The following PARD3B variants were observed in gnomAD, a reference collection of about 807,000 sequenced individuals.
PARD3B encodes par-3 family cell polarity regulator beta.
In PARD3B, 103 loss-of-function variants were observed where a neutral mutation model predicts 130.2. That is an observed-to-expected ratio of 0.79 (90% CI 0.67 to 0.93). PARD3B has a LOEUF of 0.93. PARD3B is among the 40% of genes least tolerant of loss of function. PARD3B has a pLI of 0.00. For synonymous variants in PARD3B, 583 were observed against 553.2 expected (o/e 1.05, Z -0.76); for missense variants, 1,609 against 1,499.2 (o/e 1.07, Z -1.21).
At chr2:204,745,087 G>C (rs970111377) in intron 2 of PARD3B, among the ~76,000 whole-genome samples, 9 of 152,176 alleles carry the variant, frequency 5.9e-5, no homozygotes, top group Non-Finnish European at 1.2e-4. Flanking sequence ...TAAAGTTGAG[G>C]TCTCAATGTT....
At chr2:205,023,538 C>A (rs1208814861) in intron 3 of PARD3B, among the ~76,000 whole-genome samples, 1 of 120,284 alleles carries the variant, frequency 8.3e-6, no homozygotes, top group African/African-American at 3.2e-5. Context: ...TACCCCCCCA[C>A]CCCCCGCCAA....
In PARD3B at chr2:204,595,219, G is replaced by A. The variant is rs112395690; in HGVS notation, c.120+49100G>A. Among the ~76,000 whole-genome samples the A allele has an allele frequency of 9.0e-3, 1,373 of 152,316 alleles. 19 individuals are homozygous for A. The highest frequency in any genetic ancestry group is 0.032 in the African/African-American group (1,331 of 41,560). Reference sequence around the variant, plus strand: ...CTTCTTCTATGGTCTCCAAAGGAGAGCAAAGTCTACTCCATCCTCTGTCCC... The same window carrying A: ...CTTCTTCTATGGTCTCCAAAGGAGAACAAAGTCTACTCCATCCTCTGTCCC... On this transcript the variant is annotated intron_variant, in intron 1 of 22. Transcript: ENST00000406610.
chr2:205,345,943 G>A (rs2043737481), intron 18 of PARD3B, among the ~76,000 whole-genome samples: 1 of 66,806 alleles, frequency 1.5e-5, no homozygotes, highest in African/African-American at 3.2e-5. Context: ...GGCCAAGGCA[G>A]GTGGATCACC....
At chr2:205,018,676 T>G (rs1001619115) in intron 3 of PARD3B, among the ~76,000 whole-genome samples, 2 of 130,506 alleles carry the variant, frequency 1.5e-5, no homozygotes, top group Admixed American at 1.8e-4. Flanking sequence ...CAATTACACC[T>G]TATAAGTTTG....
chr2:205,522,459 T>C (rs1575241075), intron 21 of PARD3B, among the ~76,000 whole-genome samples: 1 of 152,184 alleles, frequency 6.6e-6, no homozygotes, highest in African/African-American at 2.4e-5. Context: ...CCTGGTGGCA[T>C]TTATTAAAAG....
rs2055470809 is a variant in PARD3B at position 205,617,430 on chromosome 2, T to A, written c.*1617T>A. The A allele has an allele frequency of 6.6e-6, 1 of 152,222 alleles. No individual in the cohort carries two copies. The allele number at this position is 152,222 out of a possible 1,614,324, so 9.4% of individuals were successfully genotyped here. On this transcript the variant is annotated 3_prime_UTR_variant, in exon 23 of 23. Coordinates refer to ENST00000406610, the MANE Select transcript of PARD3B (RefSeq NM_001302769.2). ...ACTCACAGGATTTAATAAATTATAG[T>A]ATTATTGAATACATAGGACATCCCT...
At chr2:205,505,561 C>G (rs1444130408) in intron 21 of PARD3B, among the ~76,000 whole-genome samples, 1 of 152,114 alleles carries the variant, frequency 6.6e-6, no homozygotes, top group Non-Finnish European at 1.5e-5. Flanking sequence ...GCAAGTAAAA[C>G]AGTCTGGTGA....
Position 205,124,420 on chromosome 2 carries a change from C to T in PARD3B, c.1259C>T (p.Ala420Val). The T allele has an allele frequency of 6.2e-7, 1 of 1,603,704 alleles. No homozygotes were observed. The highest frequency in any genetic ancestry group is 8.5e-7 in the Non-Finnish European group (1 of 1,174,530). The change falls in exon 9 of 23, where the codon GCA becomes GTA. Residue 420 changes from alanine to valine, a missense_variant. Transcript: ENST00000406610. ...IFVKNILPKG[A>V]AIKDGRLQSG... ...GTAAAAAACATTTTACCAAAGGGAGCAGCAATAAAAGATGGCCGCCTACAA... is the reference window on the plus strand; with the variant it reads ...GTAAAAAACATTTTACCAAAGGGAGTAGCAATAAAAGATGGCCGCCTACAA...
chr2:205,424,554 A>G (rs991437200), intron 19 of PARD3B, among the ~76,000 whole-genome samples: 1 of 152,208 alleles, frequency 6.6e-6, no homozygotes, highest in African/African-American at 2.4e-5. Context: ...TTTGAGAGAT[A>G]AAGATCAAAG....
chr2:204,752,539 C>T (rs1422291452), intron 2 of PARD3B, among the ~76,000 whole-genome samples: 1 of 152,168 alleles, frequency 6.6e-6, no homozygotes, highest in East Asian at 1.9e-4. Flanking sequence ...TGAAACCCAA[C>T]TTATTTTCAT....
At chr2:205,594,245 G>A (rs970676236) in intron 22 of PARD3B, among the ~76,000 whole-genome samples, 10 of 152,172 alleles carry the variant, frequency 6.6e-5, no homozygotes, top group Admixed American at 1.3e-4. Flanking sequence ...CCCAGTGTCC[G>A]GAGCTCCTAT....
At chr2:205,170,781 CT>C (rs141604922) in intron 11 of PARD3B, among the ~76,000 whole-genome samples, 4,451 of 143,744 alleles carry the variant, frequency 0.031, 124 homozygotes, top group African/African-American at 0.067. Flanking sequence ...TATCTCATTT[CT>C]TTTTTTTTTC....
intron 18 of PARD3B, among the ~76,000 whole-genome samples, chr2:205,324,921 A>G (rs1187098521): frequency 1.3e-5 from 2 of 152,140 alleles, no homozygotes; most frequent in Non-Finnish European, 2.9e-5. Flanking sequence ...TATCCTTACC[A>G]AGGCTATCCA....
At chr2:205,614,875 C>A (rs1408799022) in intron 22 of PARD3B, among the ~76,000 whole-genome samples, 1 of 152,060 alleles carries the variant, frequency 6.6e-6, no homozygotes, top group Non-Finnish European at 1.5e-5. Flanking sequence ...GAGCACCTCA[C>A]AGATTTAGAA....
intron 1 of PARD3B, among the ~76,000 whole-genome samples, chr2:204,626,395 G>A (rs2034488022): frequency 6.6e-6 from 1 of 152,088 alleles, no homozygotes; most frequent in Non-Finnish European, 1.5e-5. Flanking sequence ...GAGAAGCAGT[G>A]TAGCTGCTTT....
At chr2:205,435,807 T>C (rs1284259283) in intron 19 of PARD3B, among the ~76,000 whole-genome samples, 3 of 151,872 alleles carry the variant, frequency 2.0e-5, no homozygotes, top group Non-Finnish European at 4.4e-5. Flanking sequence ...AATATTTACA[T>C]TTTTTCTGTA....
chr2:204,549,156 A>G (rs1005542072), intron 1 of PARD3B, among the ~76,000 whole-genome samples: 3 of 152,156 alleles, frequency 2.0e-5, no homozygotes, highest in African/African-American at 7.2e-5. Flanking sequence ...CTGAAGATAC[A>G]GGGGGAGCTT....
intron 18 of PARD3B, among the ~76,000 whole-genome samples, chr2:205,378,473 AG>A (rs1344177772): frequency 2.0e-5 from 3 of 152,156 alleles, no homozygotes; most frequent in Non-Finnish European, 2.9e-5. Context: ...AGAAGGCCCA[AG>A]GCTGGCCTGT....
At chr2:204,956,174 C>T (rs1690220226) in intron 2 of PARD3B, among the ~76,000 whole-genome samples, 1 of 152,132 alleles carries the variant, frequency 6.6e-6, no homozygotes, top group African/African-American at 2.4e-5. Context: ...AAGTTATTGC[C>T]TTCAAGGATT....
Sources: allele counts gnomAD v4.1 joint callset (sites outside exome capture counted in the v4.1 genomes callset), GRCh38; gene constraint gnomAD v4.1.1; transcripts MANE v1.5; gene names NCBI Gene and HGNC (gene_info 2026-07-23, HGNC 2026-07-21).